RNFT1: variants seen among roughly 807,000 people sequenced by gnomAD.
RNFT1 encodes the protein ring finger protein, transmembrane 1.
A neutral mutation model predicts 53.2 loss-of-function variants in RNFT1; 35 were observed. That is an observed-to-expected ratio of 0.66 (90% CI 0.50 to 0.87). RNFT1 has a LOEUF of 0.87. Among genes scored for constraint, RNFT1 ranks in the 40% least tolerant of loss-of-function variants. The pLI is 0.00. For synonymous variants in RNFT1, 141 were observed against 172.8 expected, an observed-to-expected ratio of 0.82 and a Z score of 1.44; for missense variants, 421 against 515.0, an observed-to-expected ratio of 0.82 and a Z score of 1.77.
chr17:59,958,258 A>G (rs1323189149), intron 5 of RNFT1, 33 bp downstream of exon 5: 5 of 1,558,026 alleles, frequency 3.2e-6, no homozygotes, highest in Non-Finnish European at 4.3e-6. Context: ...ATTCGATAAC[A>G]TCACTCCAAT....
In RNFT1 at chr17:59,963,144, C is replaced by T; in HGVS notation, c.197G>A (p.Arg66Lys). The T allele has an allele frequency of 1.2e-6, 2 of 1,614,250 alleles. No individual in the cohort carries two copies. The highest frequency in any genetic ancestry group is 8.5e-7 in the Non-Finnish European group (1 of 1,180,050). The change falls in exon 2 of 9, where the codon AGA (arginine) becomes AAA (lysine). Residue 66 changes from arginine to lysine, a missense_variant. Physicochemically the swap from Arg to Lys is conservative, Grantham distance 26. Transcript: ENST00000305783. ...DASTPQCVHT[R>K]LTGEGSCPHS... ...AGGGCAAGAACCCTCTCCTGTCAATCTTGTGTGGACACACTGAGGGGTTGA... is the reference window on the plus strand; with the variant it reads ...AGGGCAAGAACCCTCTCCTGTCAATTTTGTGTGGACACACTGAGGGGTTGA...
chr17:59,958,623 C>A (rs1008754870), intron 4 of RNFT1, 179 bp from the exon 5 acceptor site: 1 of 674,440 alleles, frequency 1.5e-6, no homozygotes, highest in Non-Finnish European at 2.7e-6. Context: ...ACTTTTTAAA[C>A]CTGTTTGGAT....
At chr17:59,958,541 T>C in intron 4 of RNFT1, 97 bp from the exon 5 acceptor site, 1 of 1,014,750 alleles carries the variant, frequency 9.9e-7, no homozygotes, top group African/African-American at 1.6e-5. Context: ...TATTTTGATA[T>C]GTAAAAAATA....
chr17:59,960,727 C>G (rs1485577077), intron 3 of RNFT1, among the ~76,000 whole-genome samples: 1 of 151,866 alleles, frequency 6.6e-6, no homozygotes, highest in Non-Finnish European at 1.5e-5. Flanking sequence ...GCACGAGAAT[C>G]ACTTGAACCC....
At chr17:59,963,323 A>T (rs200144344) in intron 1 of RNFT1, 39 bp from the exon 2 acceptor site, 1 of 1,545,942 alleles carries the variant, frequency 6.5e-7, no homozygotes, top group East Asian at 2.3e-5. Flanking sequence ...GTAAACAGGC[A>T]GTTAAATACC....
chr17:59,962,369 G>A (rs970258500), intron 3 of RNFT1, 171 bp downstream of exon 3: 7 of 551,200 alleles, frequency 1.3e-5, no homozygotes, highest in African/African-American at 1.1e-4. Flanking sequence ...AGCATTAGGA[G>A]AGATAATTTA....
In RNFT1 at chr17:59,956,570, G is replaced by C. The variant is rs753841235; in HGVS notation, c.1006-17C>G. On this transcript the variant is annotated splice_polypyrimidine_tract_variant and intron_variant, in intron 6 of 8. Transcript: ENST00000305783. ...TTCCAAAAGCTGAAAAGAGAAATAA[G>C]AGATCATTTATTAATTCAAACAGTC... 6.2e-7 allele frequency: 1 copy of C among 1,603,090 alleles called. No individual in the cohort carries two copies. Among genetic ancestry groups the C allele is most frequent in the Non-Finnish European group, 8.5e-7 (1 of 1,171,342 alleles).
chr17:59,958,188 CA>C, intron 5 of RNFT1, 102 bp downstream of exon 5: 1 of 1,212,078 alleles, frequency 8.3e-7, no homozygotes, highest in East Asian at 2.7e-5. Context: ...AGCTAGTTAG[CA>C]AACTGAAAAA....
Position 59,958,351 on chromosome 17 carries a change from G to A in RNFT1, c.786C>T (p.Phe262=), listed in dbSNP as rs141254111. 5.7e-5 allele frequency: 91 copies of A among 1,605,614 alleles called. No homozygotes were observed. In the African/African-American group the frequency reaches 9.4e-4, roughly 17 times the overall value. ...ATAAAATAAGGCATTTTAAGCCCAT[G>A]AAAAAGAATTTCAGAATGAAGTCTG... is the stretch of plus-strand genomic sequence containing the variant. ...GITDFILKFF[F]MGLKCLILLV... is the part of the protein sequence containing the mutation. The change falls in exon 5 of 9, where the codon TTC becomes TTT. Residue 262 remains phenylalanine (F), a synonymous_variant. Transcript: ENST00000305783.
At chr17:59,956,164 A>G (rs1178015892) in intron 7 of RNFT1, among the ~76,000 whole-genome samples, 1 of 152,200 alleles carries the variant, frequency 6.6e-6, no homozygotes, top group African/African-American at 2.4e-5. Flanking sequence ...GGATTAAAAA[A>G]GAGGAACACA....
intron 3 of RNFT1, 59 bp from the exon 4 acceptor site, chr17:59,960,227 T>G: frequency 6.5e-7 from 1 of 1,535,408 alleles, no homozygotes; most frequent in Non-Finnish European, 8.8e-7. Context: ...TAAATATCAT[T>G]AAACTGTTTT....
intron 1 of RNFT1, 22 bp downstream of exon 1, chr17:59,964,586 G>A: frequency 6.3e-7 from 1 of 1,580,858 alleles, no homozygotes; most frequent in Non-Finnish European, 8.6e-7. Flanking sequence ...CTCCTCCTCT[G>A]CCCGCTTCCC....
chr17:59,958,190 A>C (rs2045265982), intron 5 of RNFT1, 101 bp downstream of exon 5: 12 of 1,229,372 alleles, frequency 9.8e-6, no homozygotes, highest in Non-Finnish European at 1.3e-5. Context: ...CTAGTTAGCA[A>C]ACTGAAAAAC....
intron 5 of RNFT1, among the ~76,000 whole-genome samples, chr17:59,957,651 G>C (rs1485776191): frequency 6.6e-6 from 1 of 151,990 alleles, no homozygotes; most frequent in Non-Finnish European, 1.5e-5. Context: ...TTCGAGACCA[G>C]CTGGCCAACA....
In RNFT1 at chr17:59,957,317, A is replaced by C; in HGVS notation, c.912T>G (p.Val304=). 5 of 1,614,070 alleles carry C rather than the reference A, an allele frequency of 3.1e-6. No homozygotes were observed. The highest frequency in any genetic ancestry group is 4.2e-6 in the Non-Finnish European group (5 of 1,179,992). The change falls in exon 6 of 9, where the codon GTT becomes GTG. Residue 304 remains valine, a synonymous_variant. Coordinates refer to ENST00000305783, the MANE Select transcript of RNFT1 (RefSeq NM_016125.4). ...CATAGCTTATAAGGTAGCGAAACCA[A>C]ACTGGTATGGGAACAAAAGTTCGGT... ...QYYRTFVPIP[V]WFRYLISYGE...
In RNFT1 at chr17:59,958,450, A is replaced by G. The variant is rs1189281145; in HGVS notation, c.693-6T>C. 1.9e-6 allele frequency: 3 copies of G among 1,559,514 alleles called. No individual in the cohort carries two copies. Among genetic ancestry groups the G allele is most frequent in the East Asian group, 4.5e-5 (2 of 44,012 alleles). On this transcript the variant is annotated splice_polypyrimidine_tract_variant and splice_region_variant and intron_variant, in intron 4 of 8. Transcript: ENST00000305783. ...TAGGATTTAAAAAAATTAAGCTACC[A>G]AAAGAAAAACATCAAAATTTATCAG...
At position 59,952,254 on chromosome 17, in the gene RNFT1, G is replaced by T. The variant is rs2045223405; in HGVS notation, c.*723C>A. On this transcript the variant is annotated 3_prime_UTR_variant, in exon 9 of 9. Transcript: ENST00000305783. ...TAAGCCAGCTGTTTATAATCCACAT[G>T]AATTATTTTAATAGTTACTTCGAGA... 6.6e-6 allele frequency: 1 copy of T among 151,928 alleles called. No homozygotes were observed. The highest frequency in any genetic ancestry group is 1.5e-5 in the Non-Finnish European group (1 of 67,992). The allele number at this position is 151,928 out of a possible 1,614,324, so 9.4% of individuals were successfully genotyped here. A position where few individuals can be genotyped will look rare whatever the true frequency, so the allele number is the denominator to read the frequency against.
At position 59,958,414 on chromosome 17, in the gene RNFT1, ATGGTCCAAAGTAGGATT is replaced by A; in HGVS notation, c.706_722del (p.Asn236PhefsTer39). On this transcript the variant is annotated frameshift_variant, in exon 5 of 9. Coordinates refer to ENST00000305783, the MANE Select transcript of RNFT1 (RefSeq NM_016125.4). LOFTEE classifies it high-confidence loss of function. ...TCCAAAATACTTCCCAGAAGCTCAA[ATGGTCCAAAGTAGGATT>A]TAAAAAAATTAAGCTACCAAAAGAA... 6.3e-7 allele frequency: 1 copy of A among 1,593,346 alleles called. No homozygotes were observed. Among genetic ancestry groups the A allele is most frequent in the Non-Finnish European group, 8.5e-7 (1 of 1,174,922 alleles).
chr17:59,960,617 C>G (rs889317060), intron 3 of RNFT1, among the ~76,000 whole-genome samples: 1 of 151,782 alleles, frequency 6.6e-6, no homozygotes, highest in African/African-American at 2.4e-5. Context: ...TTGTGACCAG[C>G]CTGCCCAACA....
Sources: allele counts gnomAD v4.1 joint callset (sites outside exome capture counted in the v4.1 genomes callset), GRCh38; gene constraint gnomAD v4.1.1; transcripts MANE v1.5; gene names NCBI Gene and HGNC (gene_info 2026-07-23, HGNC 2026-07-21).